Variants in DEPDC1B observed in about 807,000 individuals in gnomAD.
DEPDC1B encodes the protein DEP domain-containing protein 1B.
DEPDC1B carries 51 observed loss-of-function variants against 66.5 expected under a neutral mutation model. The observed-to-expected ratio is 0.77, with a 90% CI of 0.61 to 0.97. The LOEUF (loss-of-function observed/expected upper bound fraction) is 0.97. DEPDC1B is among the 50% of genes least tolerant of loss of function. The pLI is 0.00. For synonymous variants in DEPDC1B, 226 were observed against 223.6 expected (o/e 1.01, Z -0.10); for missense variants, 552 against 637.1 (o/e 0.87, Z 1.44).
chr5:60,667,589 T>TAAAAATGGATATTTTACATATATATA lies in DEPDC1B; in HGVS notation c.314+19347_314+19372dup, dbSNP rs1554054874. Among the ~76,000 whole-genome samples, 264 of 137,804 alleles carry TAAAAATGGATATTTTACATATATATA rather than the reference T, an allele frequency of 1.9e-3. 2 individuals carry two copies. The highest frequency in any genetic ancestry group is 0.014 in the South Asian group (57 of 4,104). 90.4% of individuals were successfully genotyped at this position (137,804 alleles called of 152,430 possible). The stretch of plus-strand genomic sequence containing the variant: ...TAAAAAAGTGGATATTTTACATATA[T>TAAAAATGGATATTTTACATATATATA]AAAAATGGATATTTTACATATATAT... On this transcript the variant is annotated intron_variant, in intron 2 of 10. Coordinates refer to ENST00000265036, the MANE Select transcript of DEPDC1B (RefSeq NM_018369.3).
intron 3 of DEPDC1B, among the ~76,000 whole-genome samples, 187 bp from the exon 4 acceptor site, chr5:60,645,806 G>C (rs567809406): frequency 2.4e-4 from 37 of 152,278 alleles, no homozygotes; most frequent in Non-Finnish European, 4.0e-4. Flanking sequence ...GAGAAGTAAA[G>C]AGTGATTCTT....
chr5:60,603,472 G>T lies in DEPDC1B; in HGVS notation c.1161C>A (p.Asp387Glu). 1 of 1,612,928 alleles carries T rather than the reference G, an allele frequency of 6.2e-7. No individual in the cohort carries two copies. The highest frequency in any genetic ancestry group is 8.5e-7 in the Non-Finnish European group (1 of 1,179,586). ...LAARLVTFLM[D>E]NYQEILKVPL... ...GGACTTTCAGAATTTCCTGGTAATT[G>T]TCCATCAGAAACGTTACCAATCTAG... Residue 387 changes from aspartate (D) to glutamate (E), a missense_variant, in exon 9 of 11, where the codon GAC becomes GAA. Physicochemically the swap from Asp to Glu is conservative, Grantham distance 45 (BLOSUM62 2). Coordinates refer to ENST00000265036, the MANE Select transcript of DEPDC1B (RefSeq NM_018369.3).
At chr5:60,601,897 T>C (rs1206923344) in intron 9 of DEPDC1B, among the ~76,000 whole-genome samples, 1 of 152,164 alleles carries the variant, frequency 6.6e-6, no homozygotes, top group Non-Finnish European at 1.5e-5. Flanking sequence ...CTACTATTAT[T>C]CCCATTTTAC....
At chr5:60,626,160 T>C (rs1279431540) in intron 7 of DEPDC1B, among the ~76,000 whole-genome samples, 1 of 152,192 alleles carries the variant, frequency 6.6e-6, no homozygotes, top group Non-Finnish European at 1.5e-5. Context: ...TTTGTCTCTA[T>C]AGATTTGCCT....
At chr5:60,642,690 A>G in intron 6 of DEPDC1B, 122 bp downstream of exon 6, 1 of 682,566 alleles carries the variant, frequency 1.5e-6, no homozygotes, top group Admixed American at 3.1e-5. Flanking sequence ...TAGTCCCAAA[A>G]TAATTAACTG....
chr5:60,604,218 C>CTTTTTTTTTTTTTTTTTTTTTTTTTTTTT (rs869142199), intron 8 of DEPDC1B, among the ~76,000 whole-genome samples: 2 of 68,970 alleles, frequency 2.9e-5, no homozygotes, highest in East Asian at 5.4e-4. Context: ...ATTAACTATT[C>CTTTTTTTTTTTTTTTTTTTTTTTTTTTTT]TTTTTTTTTT....
intron 7 of DEPDC1B, among the ~76,000 whole-genome samples, chr5:60,607,377 C>T (rs1394949662): frequency 1.3e-5 from 2 of 152,276 alleles, no homozygotes; most frequent in African/African-American, 2.4e-5. Context: ...ATATCACTAT[C>T]ATCTATGTAG....
rs1054840445 is a variant in DEPDC1B, at chr5:60,635,208, C to CA, written c.898+3541dup. On this transcript the variant is annotated intron_variant, in intron 7 of 10. Coordinates refer to ENST00000265036, the MANE Select transcript of DEPDC1B (RefSeq NM_018369.3). Reference sequence around the variant, plus strand: ...AGGCACTCTCTGCAAAAAAACAAAACAAAAAAAAATTGTTTTCCCTTAAGA... The same window carrying CA: ...AGGCACTCTCTGCAAAAAAACAAAACAAAAAAAAAATTGTTTTCCCTTAAGA... Among the ~76,000 whole-genome samples, 38 of 151,268 alleles carry CA rather than the reference C, an allele frequency of 2.5e-4. No individual in the cohort carries two copies. The East Asian group carries it at 4.1e-3, about 16-fold the overall frequency.
chr5:60,641,064 C>T (rs893946159), intron 6 of DEPDC1B, among the ~76,000 whole-genome samples: 38 of 152,204 alleles, frequency 2.5e-4, no homozygotes, highest in African/African-American at 8.9e-4. Context: ...TTTCCCAGCA[C>T]TTGCCACCTA....
intron 7 of DEPDC1B, among the ~76,000 whole-genome samples, chr5:60,629,754 T>G (rs1371753443): frequency 6.6e-6 from 1 of 152,226 alleles, no homozygotes. Flanking sequence ...GGTAATTTCT[T>G]ATACATGTTA....
chr5:60,620,093 A>C (rs976542609), intron 7 of DEPDC1B, among the ~76,000 whole-genome samples: 6 of 152,346 alleles, frequency 3.9e-5, no homozygotes, highest in African/African-American at 1.4e-4. Context: ...CCATATGTAG[A>C]AAGCTGAAAC....
intron 6 of DEPDC1B, among the ~76,000 whole-genome samples, chr5:60,639,550 A>C (rs1221262626): frequency 6.6e-6 from 1 of 152,244 alleles, no homozygotes; most frequent in Admixed American, 6.5e-5. Flanking sequence ...TCATACTGCA[A>C]AGTTGAAGCA....
Position 60,603,255 on chromosome 5 carries a change from G to A in DEPDC1B, c.1242+136C>T, listed in dbSNP as rs75617005. On this transcript the variant is annotated intron_variant, in intron 9 of 10. Transcript: ENST00000265036. Reference sequence around the variant, plus strand: ...ACAAACACATGCAGGGGATTACTATGTGCCAAGACCTGTTGTAAGTACTTT... The same window carrying A: ...ACAAACACATGCAGGGGATTACTATATGCCAAGACCTGTTGTAAGTACTTT... 92 of 714,144 alleles carry A rather than the reference G, an allele frequency of 1.3e-4. No individual in the cohort carries two copies. In the African/African-American group the frequency reaches 1.6e-3, roughly 12 times the overall value. 44.2% of individuals were successfully genotyped at this position (714,144 alleles called of 1,614,324 possible). A position where few individuals can be genotyped will look rare whatever the true frequency, so the allele number is the denominator to read the frequency against.
At chr5:60,676,883 T>C (rs1163575644) in intron 2 of DEPDC1B, among the ~76,000 whole-genome samples, 1 of 152,172 alleles carries the variant, frequency 6.6e-6, no homozygotes, top group Non-Finnish European at 1.5e-5. Context: ...TATAATATTA[T>C]AGGGAAATGG....
chr5:60,617,160 A>T (rs187118676), intron 7 of DEPDC1B, among the ~76,000 whole-genome samples: 152 of 152,294 alleles, frequency 1.0e-3, no homozygotes, highest in African/African-American at 3.3e-3. Flanking sequence ...AAAGGAACAT[A>T]CGGTACCAGC....
chr5:60,629,495 A>G (rs1164228511), intron 7 of DEPDC1B, among the ~76,000 whole-genome samples: 1 of 151,852 alleles, frequency 6.6e-6, no homozygotes, highest in East Asian at 1.9e-4. Flanking sequence ...CCTTCATCCA[A>G]CTCCACACTG....
intron 7 of DEPDC1B, among the ~76,000 whole-genome samples, chr5:60,625,992 C>T (rs1322281032): frequency 2.0e-5 from 3 of 151,948 alleles, no homozygotes; most frequent in Admixed American, 2.0e-4. Context: ...TTTTTTCTTG[C>T]TTGTTCTTTT....
chr5:60,653,557 G>A (rs981418180), intron 2 of DEPDC1B, among the ~76,000 whole-genome samples: 1 of 152,038 alleles, frequency 6.6e-6, no homozygotes. Flanking sequence ...TGGGTTATTT[G>A]TTTACTCTGC....
intron 2 of DEPDC1B, among the ~76,000 whole-genome samples, chr5:60,660,161 G>A (rs1224342649): frequency 6.6e-6 from 1 of 151,824 alleles, no homozygotes; most frequent in Non-Finnish European, 1.5e-5. Context: ...AGGAGAGAGA[G>A]AGAGAAAGAG....
Sources: allele counts gnomAD v4.1 joint callset (sites outside exome capture counted in the v4.1 genomes callset), GRCh38; gene constraint gnomAD v4.1.1; transcripts MANE v1.5; gene names NCBI Gene and HGNC (gene_info 2026-07-23, HGNC 2026-07-21).